NEMP2: variants seen among roughly 807,000 people sequenced by gnomAD.
NEMP2 encodes the protein UPF0571 transmembrane protein.
Under a neutral mutation model 54.2 loss-of-function variants are expected in NEMP2, and 53 were observed. The ratio of observed to expected loss-of-function variants is 0.98; its 90% confidence interval spans 0.78 to 1.23. NEMP2 has a LOEUF of 1.23. NEMP2 is among the 50% of genes most tolerant of loss of function. NEMP2 has a pLI of 0.00. For synonymous variants in NEMP2, 197 were observed against 190.3 expected, an observed-to-expected ratio of 1.04 and a Z score of -0.29; for missense variants, 455 against 511.3, an observed-to-expected ratio of 0.89 and a Z score of 1.06.
the NEMP2 span, among the ~76,000 whole-genome samples, chr2:190,461,582 G>A: frequency 3.0e-4 from 46 of 152,266 alleles, no homozygotes; most frequent in Middle Eastern, 3.4e-3. The surrounding 1 kb of genome is among the most constrained non-coding windows in gnomAD (Gnocchi z 5.5). Flanking sequence ...TGGCAGGTTC[G>A]GTGACTGGTA....
chr2:190,497,281 C>T, the NEMP2 span, among the ~76,000 whole-genome samples: 1 of 152,126 alleles, frequency 6.6e-6, no homozygotes, highest in Non-Finnish European at 1.5e-5. The surrounding 1 kb of genome is among the most constrained non-coding windows in gnomAD (Gnocchi z 5.2). Flanking sequence ...TCAGTACTTA[C>T]ACCAAGTAAT....
rs1386556215 is a variant in NEMP2 at position 190,522,284 on chromosome 2, T to C, written c.213+2979A>G. On this transcript the variant is annotated intron_variant, in intron 2 of 8. Transcript: ENST00000409150. This position sits in a 1 kb window ranked among gnomAD's most constrained non-coding sequence, Gnocchi z 5.0. Reference sequence around the variant, plus strand: ...ACTGATTGGGTACTATGGTCACTAGTTGGGGGATGGGTTCAGTAGAGCCCA... The same window carrying C: ...ACTGATTGGGTACTATGGTCACTAGCTGGGGGATGGGTTCAGTAGAGCCCA... Among the ~76,000 whole-genome samples, 2 of 152,244 alleles carry C rather than the reference T, an allele frequency of 1.3e-5. No homozygotes were observed. The highest frequency in any genetic ancestry group is 1.3e-4 in the Admixed American group (2 of 15,294).
the NEMP2 span, among the ~76,000 whole-genome samples, chr2:190,579,333 T>C: frequency 1.3e-5 from 2 of 151,550 alleles, no homozygotes; most frequent in Non-Finnish European, 2.9e-5. Flanking sequence ...TTCTACTAAT[T>C]AGAATTGTTC....
At chr2:190,440,802 T>C in the NEMP2 span, among the ~76,000 whole-genome samples, 1 of 152,202 alleles carries the variant, frequency 6.6e-6, no homozygotes, top group Non-Finnish European at 1.5e-5. Flanking sequence ...AATTACTACT[T>C]AATATTAGCA....
At chr2:190,631,551 G>T in the NEMP2 span, among the ~76,000 whole-genome samples, 1 of 152,158 alleles carries the variant, frequency 6.6e-6, no homozygotes, top group African/African-American at 2.4e-5. Flanking sequence ...TGGTAATTTA[G>T]AATAAGACTT....
the NEMP2 span, among the ~76,000 whole-genome samples, chr2:190,611,477 C>T: frequency 2.6e-5 from 4 of 152,144 alleles, no homozygotes; most frequent in African/African-American, 9.7e-5. The surrounding 1 kb of genome is among the most constrained non-coding windows in gnomAD (Gnocchi z 5.4). Flanking sequence ...TAACCCTTTA[C>T]AATTTTTGTT....
chr2:190,534,091 T>G (rs1691265297), intron 1 of NEMP2: 12 of 985,772 alleles, frequency 1.2e-5, no homozygotes, highest in Non-Finnish European at 1.4e-5. Context: ...GCTCCGATTC[T>G]GAAGCTGAAG....
At chr2:190,623,061 C>T in the NEMP2 span, among the ~76,000 whole-genome samples, 2 of 151,804 alleles carry the variant, frequency 1.3e-5, no homozygotes, top group Admixed American at 1.3e-4. Context: ...AAAAATAAAT[C>T]AAGAAAGCAA....
At chr2:190,632,946 C>G in the NEMP2 span, among the ~76,000 whole-genome samples, 2 of 152,220 alleles carry the variant, frequency 1.3e-5, no homozygotes, top group African/African-American at 4.8e-5. This position sits in a 1 kb window ranked among gnomAD's most constrained non-coding sequence, Gnocchi z 4.8. Flanking sequence ...TCCCACCCAC[C>G]GTTGCAGTAC....
rs955306878 is a variant in NEMP2, at chr2:190,525,217, T to C, written c.213+46A>G. ...TGGTACATTTCCTGTCCCCAGGACA[T>C]GGTAATTCTCTGTCCCTAAGACATG... On this transcript the variant is annotated intron_variant, in intron 2 of 8. Transcript: ENST00000409150. This position sits in a 1 kb window ranked among gnomAD's most constrained non-coding sequence, Gnocchi z 5.0. The C allele has an allele frequency of 1.9e-6, 2 of 1,040,036 alleles. No individual in the cohort carries two copies. Among genetic ancestry groups the C allele is most frequent in the Non-Finnish European group, 2.9e-6 (2 of 689,924 alleles). The allele number at this position is 1,040,036 out of a possible 1,614,324, so 64.4% of individuals were successfully genotyped here.
At chr2:190,620,597 A>G in the NEMP2 span, among the ~76,000 whole-genome samples, 1 of 152,206 alleles carries the variant, frequency 6.6e-6, no homozygotes, top group East Asian at 1.9e-4. The surrounding 1 kb of genome is among the most constrained non-coding windows in gnomAD (Gnocchi z 4.9). Context: ...GCATTTAAAG[A>G]GAGTTATAGA....
intron 4 of NEMP2, among the ~76,000 whole-genome samples, chr2:190,517,843 G>C (rs997956274): frequency 6.6e-6 from 1 of 152,162 alleles, no homozygotes; most frequent in African/African-American, 2.4e-5. Context: ...TTCATATTCA[G>C]GATCTGATCA....
chr2:190,541,180 GTA>G, the NEMP2 span, among the ~76,000 whole-genome samples: 11 of 149,520 alleles, frequency 7.4e-5, no homozygotes, highest in Admixed American at 5.3e-4. The surrounding 1 kb of genome is among the most constrained non-coding windows in gnomAD (Gnocchi z 5.2). Flanking sequence ...ATATATATGT[GTA>G]TATATATATA....
the NEMP2 span, chr2:190,444,970 C>G: frequency 4.2e-6 from 2 of 476,234 alleles, no homozygotes; most frequent in Non-Finnish European, 5.5e-6. Context: ...AAATTTAGAG[C>G]TAGTGTAGTC....
chr2:190,449,015 A>G, the NEMP2 span, among the ~76,000 whole-genome samples: 2 of 152,230 alleles, frequency 1.3e-5, no homozygotes, highest in African/African-American at 4.8e-5. Flanking sequence ...TTATCCAAAT[A>G]CCTCAGGTAA....
At chr2:190,604,473 G>C in the NEMP2 span, among the ~76,000 whole-genome samples, 35 of 152,144 alleles carry the variant, frequency 2.3e-4, no homozygotes, top group Non-Finnish European at 4.7e-4. The surrounding 1 kb of genome is among the most constrained non-coding windows in gnomAD (Gnocchi z 4.5). Flanking sequence ...CTGCGCGCTT[G>C]AACAACAGAA....
chr2:190,613,462 AG>A, the NEMP2 span, among the ~76,000 whole-genome samples: 1 of 152,216 alleles, frequency 6.6e-6, no homozygotes, highest in African/African-American at 2.4e-5. Flanking sequence ...ATAGTTTTGT[AG>A]CCTCTACGCC....
rs898935584 is a variant in NEMP2, at chr2:190,519,629, C to A, written c.214-446G>T. ...GCAGGGTAGAGTTCTATGTTCTGAT[C>A]CCAGAGGTGGACTCAAGAGATCTGT... On this transcript the variant is annotated intron_variant, in intron 2 of 8. Transcript: ENST00000409150. This position sits in a 1 kb window ranked among gnomAD's most constrained non-coding sequence, Gnocchi z 5.4. 6.6e-6 allele frequency among the ~76,000 whole-genome samples: 1 copy of A among 152,174 alleles called. No homozygotes were observed. Among genetic ancestry groups the A allele is most frequent in the African/African-American group, 2.4e-5 (1 of 41,420 alleles).
the NEMP2 span, among the ~76,000 whole-genome samples, chr2:190,627,154 G>A: frequency 6.6e-6 from 1 of 152,200 alleles, no homozygotes; most frequent in East Asian, 1.9e-4. The surrounding 1 kb of genome is among the most constrained non-coding windows in gnomAD (Gnocchi z 4.4). Flanking sequence ...CAGGGACAAC[G>A]TCCATTTTAT....
Sources: gnomAD v4.1 joint callset for allele counts (sites outside exome capture counted in the v4.1 genomes callset) on GRCh38, gnomAD v4.1.1 for gene constraint, Gnocchi (gnomAD v3.1) non-coding constraint, MANE v1.5 for transcripts, NCBI Gene and HGNC (gene_info 2026-07-23, HGNC 2026-07-21) for gene names.